MOB3B: variants seen among roughly 807,000 people sequenced by gnomAD.
MOB3B encodes MOB kinase activator 3B, also known as MOB kinase activator-like 2B.
A neutral mutation model predicts 18.7 loss-of-function variants in MOB3B; 7 were observed. The observed-to-expected ratio is 0.37, with a 90% CI of 0.21 to 0.70. The LOEUF (loss-of-function observed/expected upper bound fraction) is 0.70, where lower values mean the gene tolerates loss of function less well. Among genes scored for constraint, MOB3B ranks in the 30% least tolerant of loss-of-function variants. The pLI, the probability that MOB3B is intolerant of heterozygous loss-of-function variation, is 0.52. For synonymous variants in MOB3B, 111 were observed against 99.9 expected, an observed-to-expected ratio of 1.11 and a Z score of -0.66; for missense variants, 253 against 281.3, an observed-to-expected ratio of 0.90 and a Z score of 0.72.
chr9:27,385,019 A>T (rs942561085), intron 2 of MOB3B, among the ~76,000 whole-genome samples: 3 of 152,182 alleles, frequency 2.0e-5, no homozygotes, highest in Non-Finnish European at 4.4e-5. Flanking sequence ...CAACTAAGGG[A>T]TGGAGATAGG....
intron 2 of MOB3B, among the ~76,000 whole-genome samples, chr9:27,398,413 G>A (rs1004941094): frequency 1.3e-5 from 2 of 151,890 alleles, no homozygotes; most frequent in Non-Finnish European, 2.9e-5. Context: ...TCTTTTTTTA[G>A]TTATAAAAAT....
Position 27,330,627 on chromosome 9 carries a change from A to AG in MOB3B, c.622-12dup, listed in dbSNP as rs754423807. ...GCTCGTCATTTCTTTCTGGAAAGCA[A>AG]GGGGAAAAGGATGGTTAGGAGAAAC... On this transcript the variant is annotated splice_polypyrimidine_tract_variant and intron_variant, in intron 3 of 3. Transcript: ENST00000262244. 7 of 1,613,946 alleles carry AG rather than the reference A, an allele frequency of 4.3e-6. No homozygotes were observed. In the South Asian group the frequency reaches 7.7e-5, roughly 18 times the overall value.
intron 2 of MOB3B, among the ~76,000 whole-genome samples, chr9:27,406,163 T>C (rs1293666528): frequency 1.3e-5 from 2 of 152,212 alleles, no homozygotes; most frequent in African/African-American, 2.4e-5. Context: ...TATGATCTTA[T>C]ATTTAGAAAA....
At chr9:27,385,799 G>T (rs1213031872) in intron 2 of MOB3B, among the ~76,000 whole-genome samples, 4 of 152,228 alleles carry the variant, frequency 2.6e-5, no homozygotes, top group African/African-American at 9.6e-5. Flanking sequence ...GCCAGACCTG[G>T]CACTTGCTCA....
At chr9:27,509,011 G>A (rs570517371) in intron 1 of MOB3B, among the ~76,000 whole-genome samples, 105 of 152,264 alleles carry the variant, frequency 6.9e-4, no homozygotes, top group African/African-American at 2.3e-3. Flanking sequence ...GTCAGTTGGC[G>A]ATGTCTGCCG....
At chr9:27,463,700 T>A (rs1307543741) in intron 1 of MOB3B, among the ~76,000 whole-genome samples, 1 of 151,818 alleles carries the variant, frequency 6.6e-6, no homozygotes, top group Admixed American at 6.6e-5. Context: ...GTGACTCACG[T>A]CTGTAATCCT....
chr9:27,509,458 C>T (rs1372600581), intron 1 of MOB3B, among the ~76,000 whole-genome samples: 1 of 152,022 alleles, frequency 6.6e-6, no homozygotes, highest in Non-Finnish European at 1.5e-5. Flanking sequence ...ACTCTGTTGC[C>T]CAGGCTTGAG....
chr9:27,494,805 G>A (rs1819873269), intron 1 of MOB3B, among the ~76,000 whole-genome samples: 1 of 152,126 alleles, frequency 6.6e-6, no homozygotes, highest in African/African-American at 2.4e-5. Context: ...GAGCCACCAT[G>A]CCCTGCCAAG....
At chr9:27,496,558 T>C (rs1819903418) in intron 1 of MOB3B, among the ~76,000 whole-genome samples, 1 of 152,210 alleles carries the variant, frequency 6.6e-6, no homozygotes, top group Non-Finnish European at 1.5e-5. Flanking sequence ...TTAAAAAATA[T>C]GGATGTGGTT....
chr9:27,481,252 G>A (rs1587246272), intron 1 of MOB3B, among the ~76,000 whole-genome samples: 1 of 152,182 alleles, frequency 6.6e-6, no homozygotes, highest in Non-Finnish European at 1.5e-5. Context: ...AGCAGATATG[G>A]ACTAAAATAT....
chr9:27,413,996 A>C (rs1822111415), intron 2 of MOB3B, among the ~76,000 whole-genome samples: 2 of 152,218 alleles, frequency 1.3e-5, no homozygotes, highest in South Asian at 4.1e-4. Flanking sequence ...AAAAACTGAC[A>C]TATGTGTTGG....
intron 2 of MOB3B, among the ~76,000 whole-genome samples, chr9:27,382,730 A>G (rs1443686356): frequency 6.6e-6 from 1 of 151,248 alleles, no homozygotes; most frequent in African/African-American, 2.4e-5. Flanking sequence ...ATATATATAT[A>G]TATATATCCA....
At chr9:27,444,570 G>T (rs1010521413) in intron 2 of MOB3B, among the ~76,000 whole-genome samples, 1 of 152,072 alleles carries the variant, frequency 6.6e-6, no homozygotes, top group Admixed American at 6.6e-5. Flanking sequence ...CAGAAAACAG[G>T]GAATTATAGA....
chr9:27,341,124 G>A (rs1478807442), intron 3 of MOB3B, among the ~76,000 whole-genome samples: 1 of 152,270 alleles, frequency 6.6e-6, no homozygotes, highest in Non-Finnish European at 1.5e-5. Context: ...TCAGGAGTGG[G>A]AGGGAAGGCA....
At chr9:27,418,456 A>G (rs1174502385) in intron 2 of MOB3B, among the ~76,000 whole-genome samples, 1 of 152,180 alleles carries the variant, frequency 6.6e-6, no homozygotes, top group Non-Finnish European at 1.5e-5. Context: ...TAGCTAACCA[A>G]ATCCAACAAC....
Position 27,326,865 on chromosome 9 carries a change from A to C in MOB3B, c.*3722T>G, listed in dbSNP as rs1482198461. 6 of 292,594 alleles carry C rather than the reference A, an allele frequency of 2.1e-5. No homozygotes were observed. The East Asian group carries it at 3.3e-4, about 16-fold the overall frequency. 18.1% of individuals were successfully genotyped at this position (292,594 alleles called of 1,614,324 possible). A position where few individuals can be genotyped will look rare whatever the true frequency, so the allele number is the denominator to read the frequency against. On this transcript the variant is annotated 3_prime_UTR_variant, in exon 4 of 4. Transcript: ENST00000262244. ...CCACATAAATACTTTGTATCTGTTT[A>C]TGTACTTGTGATCCTTTGGAGGGTC...
chr9:27,428,923 G>A (rs1299541527), intron 2 of MOB3B, among the ~76,000 whole-genome samples: 2 of 152,190 alleles, frequency 1.3e-5, no homozygotes, highest in Non-Finnish European at 2.9e-5. Context: ...GTCTAAGCTG[G>A]CTTTCCCACC....
At chr9:27,523,038 A>G (rs1475413492) in intron 1 of MOB3B, among the ~76,000 whole-genome samples, 1 of 152,154 alleles carries the variant, frequency 6.6e-6, no homozygotes, top group African/African-American at 2.4e-5. Context: ...TTTTAAGCCA[A>G]CTTTTCAATC....
intron 1 of MOB3B, among the ~76,000 whole-genome samples, chr9:27,468,255 C>T (rs1819415508): frequency 1.3e-5 from 2 of 152,134 alleles, no homozygotes; most frequent in African/African-American, 4.8e-5. Context: ...ACAGAGTCCC[C>T]CATCATCTAT....
Sources: gnomAD v4.1 joint callset for allele counts (sites outside exome capture counted in the v4.1 genomes callset) on GRCh38, gnomAD v4.1.1 for gene constraint, MANE v1.5 for transcripts, NCBI Gene and HGNC (gene_info 2026-07-23, HGNC 2026-07-21) for gene names.